Variants in RIMKLB observed in about 807,000 individuals in gnomAD.
RIMKLB encodes beta-citrylglutamate synthase B.
Under a neutral mutation model 32.0 loss-of-function variants are expected in RIMKLB, and 7 were observed. The observed-to-expected ratio is 0.22, with a 90% CI of 0.12 to 0.41. The LOEUF is 0.41. Ranked by LOEUF, RIMKLB falls within the 10% of genes least tolerant of loss-of-function variation. The probability of loss-of-function intolerance (pLI) is 1.00; values close to 1 mark genes in which losing one functional copy is unlikely to be tolerated. For synonymous variants in RIMKLB, 172 were observed against 185.1 expected, an observed-to-expected ratio of 0.93 and a Z score of 0.57; for missense variants, 289 against 498.7, an observed-to-expected ratio of 0.58 and a Z score of 4.00.
intron 2 of RIMKLB, among the ~76,000 whole-genome samples, chr12:8,727,484 G>A (rs1007956711): frequency 1.3e-5 from 2 of 152,300 alleles, no homozygotes; most frequent in African/African-American, 2.4e-5. Context: ...TAATCCACCC[G>A]CCTCGGCCTC....
intron 5 of RIMKLB, among the ~76,000 whole-genome samples, chr12:8,760,043 C>T (rs1293503652): frequency 1.3e-5 from 2 of 152,028 alleles, no homozygotes; most frequent in African/African-American, 4.8e-5. Context: ...TGTGCTGCAC[C>T]CATTAACTCG....
chr12:8,753,516 G>A (rs1002828384), intron 4 of RIMKLB, among the ~76,000 whole-genome samples: 8 of 152,102 alleles, frequency 5.3e-5, no homozygotes, highest in East Asian at 1.9e-4. Context: ...TCCTAATATC[G>A]TATATTAATG....
At chr12:8,709,465 AG>A (rs1428424196) in intron 1 of RIMKLB, among the ~76,000 whole-genome samples, 1 of 152,262 alleles carries the variant, frequency 6.6e-6, no homozygotes, top group Non-Finnish European at 1.5e-5. Flanking sequence ...GGGCAGAAGC[AG>A]GCAGGCACGC....
At chr12:8,694,387 ATTTTTTTTCTTTT>A (rs899238760), upstream of RIMKLB, among the ~76,000 whole-genome samples, 10 of 119,078 alleles carry the variant, frequency 8.4e-5, no homozygotes, top group Non-Finnish European at 3.5e-5. Flanking sequence ...ATCCTGTTGA[ATTTTTTTTCTTTT>A]TTTTTTTTTT....
At chr12:8,691,545 G>A (rs145220338) in intron 1 of RIMKLB, among the ~76,000 whole-genome samples, 105 of 152,298 alleles carry the variant, frequency 6.9e-4, no homozygotes, top group African/African-American at 2.4e-3. Context: ...AGGAGGCAAA[G>A]GTTGGAGTAG....
At chr12:8,745,233 G>C (rs750497157) in intron 2 of RIMKLB, among the ~76,000 whole-genome samples, 1 of 151,880 alleles carries the variant, frequency 6.6e-6, no homozygotes, top group Non-Finnish European at 1.5e-5. Flanking sequence ...ACAGGCGTGA[G>C]CCACTGTGGC....
chr12:8,733,086 T>C (rs1946695540), intron 2 of RIMKLB, among the ~76,000 whole-genome samples: 1 of 152,166 alleles, frequency 6.6e-6, no homozygotes, highest in African/African-American at 2.4e-5. Context: ...TTCAGTTGTA[T>C]AGAATTGTGA....
At chr12:8,691,645 A>C (rs779805321) in intron 1 of RIMKLB, among the ~76,000 whole-genome samples, 1 of 152,336 alleles carries the variant, frequency 6.6e-6, no homozygotes, top group East Asian at 1.9e-4. Context: ...GAATTAGGAA[A>C]TAGGACAGGT....
intron 2 of RIMKLB, among the ~76,000 whole-genome samples, chr12:8,725,684 A>G (rs1419943390): frequency 6.6e-6 from 1 of 152,236 alleles, no homozygotes; most frequent in Non-Finnish European, 1.5e-5. Flanking sequence ...CTTTAGCGCC[A>G]TATGAAGCTG....
Position 8,773,702 on chromosome 12 carries a change from G to A in RIMKLB, c.1079G>A (p.Arg360Gln), listed in dbSNP as rs1341261739. 7.4e-6 allele frequency: 12 copies of A among 1,614,258 alleles called. No individual in the cohort carries two copies. The highest frequency in any genetic ancestry group is 2.2e-5 in the East Asian group (1 of 44,896). The change falls in exon 6 of 6, where the codon CGA (arginine) becomes CAA (glutamine). Residue 360 changes from arginine (R) to glutamine (Q), a missense_variant. By Grantham distance (43) the Arg-to-Gln change is conservative. Coordinates refer to ENST00000535829, the MANE Select transcript of RIMKLB (RefSeq NM_001297776.2). ...SVDSDPESTE[R>Q]ELLTKLPGGL... ...GACAGCGACCCTGAAAGCACGGAGC[G>A]AGAGCTGCTCACCAAGCTCCCAGGG... is the stretch of plus-strand genomic sequence containing the variant.
intron 4 of RIMKLB, among the ~76,000 whole-genome samples, chr12:8,753,146 A>G (rs997711597): frequency 6.6e-6 from 1 of 152,248 alleles, no homozygotes; most frequent in African/African-American, 2.4e-5. Flanking sequence ...AACTGGAACT[A>G]TTGACTGGAT....
intron 2 of RIMKLB, among the ~76,000 whole-genome samples, chr12:8,745,301 T>C (rs1947973789): frequency 6.6e-6 from 1 of 151,754 alleles, no homozygotes; most frequent in Admixed American, 6.6e-5. Context: ...TACTTTCTTC[T>C]CCTGGCTCTT....
chr12:8,748,984 G>A (rs191775972), intron 2 of RIMKLB, among the ~76,000 whole-genome samples: 47 of 151,718 alleles, frequency 3.1e-4, no homozygotes, highest in Admixed American at 1.1e-3. Context: ...TATTATTTGG[G>A]GTCTTCCTAA....
chr12:8,710,147 C>T (rs944284417), intron 1 of RIMKLB, among the ~76,000 whole-genome samples: 10 of 150,746 alleles, frequency 6.6e-5, no homozygotes, highest in African/African-American at 2.2e-4. Flanking sequence ...CCAACACACC[C>T]GGCTATTTTT....
intron 2 of RIMKLB, among the ~76,000 whole-genome samples, chr12:8,734,767 T>G (rs1436820366): frequency 6.6e-6 from 1 of 152,104 alleles, no homozygotes; most frequent in East Asian, 1.9e-4. Context: ...AGGGGTTAAC[T>G]TGTATTCCAA....
chr12:8,726,657 T>C (rs1420762052), intron 2 of RIMKLB, among the ~76,000 whole-genome samples: 2 of 151,540 alleles, frequency 1.3e-5, no homozygotes, highest in Non-Finnish European at 2.9e-5. Context: ...GCCATTTTAT[T>C]CTTTTTTTTT....
upstream of RIMKLB, among the ~76,000 whole-genome samples, chr12:8,693,482 C>T (rs144219321): frequency 0.018 from 2,780 of 151,664 alleles, 58 homozygotes; most frequent in African/African-American, 0.053. Context: ...CTGCAACACC[C>T]GCCTCCCAGG....
At chr12:8,712,320 G>A (rs1944445473) in intron 1 of RIMKLB, among the ~76,000 whole-genome samples, 1 of 152,096 alleles carries the variant, frequency 6.6e-6, no homozygotes, top group African/African-American at 2.4e-5. Flanking sequence ...GCTGAGGCAG[G>A]ATAATCACTT....
chr12:8,704,553 T>C (rs111805086), intron 1 of RIMKLB, among the ~76,000 whole-genome samples: 5,110 of 152,296 alleles, frequency 0.034, 293 homozygotes, highest in African/African-American at 0.12. Context: ...ATTCATCTTA[T>C]AGCACTGGCA....
Sources: gnomAD v4.1 joint callset for allele counts (sites outside exome capture counted in the v4.1 genomes callset) on GRCh38, gnomAD v4.1.1 for gene constraint, MANE v1.5 for transcripts, NCBI Gene and HGNC (gene_info 2026-07-23, HGNC 2026-07-21) for gene names.